Variants in LETMD1 observed in about 807,000 individuals in gnomAD.
The protein encoded by LETMD1 is LETM1 domain-containing protein 1.
In LETMD1, 30 loss-of-function variants were observed where a neutral mutation model predicts 43.9. That is an observed-to-expected ratio of 0.68 (90% CI 0.51 to 0.93). The LOEUF is 0.93. Among genes scored for constraint, LETMD1 ranks in the 40% least tolerant of loss-of-function variants. The probability of loss-of-function intolerance (pLI) is 0.00; values close to 1 mark genes in which losing one functional copy is unlikely to be tolerated. For synonymous variants in LETMD1, 176 were observed against 163.1 expected, an observed-to-expected ratio of 1.08 and a Z score of -0.60; for missense variants, 413 against 447.7, an observed-to-expected ratio of 0.92 and a Z score of 0.70.
At chr12:51,057,930 G>T in intron 7 of LETMD1, 102 bp from the exon 8 acceptor site, 1 of 910,924 alleles carries the variant, frequency 1.1e-6, no homozygotes. Context: ...CGGTGAGATT[G>T]TAACTTATTT....
chr12:51,063,783 G>A, downstream of LETMD1: 1 of 1,586,564 alleles, frequency 6.3e-7, no homozygotes, highest in South Asian at 1.1e-5. Context: ...AGAATCTTCA[G>A]GGGGCCGATC....
chr12:51,049,909 T>C (rs1295948886), intron 2 of LETMD1, among the ~76,000 whole-genome samples: 2 of 152,244 alleles, frequency 1.3e-5, no homozygotes, highest in Non-Finnish European at 2.9e-5. Context: ...TGTTAACTTA[T>C]TTTCATCTAA....
At position 51,049,050 on chromosome 12, in the gene LETMD1, C is replaced by G; in HGVS notation, c.139C>G (p.Leu47Val). ...WGAPRSSKLH[L>V]SPKADVKNLM... Reference sequence around the variant, plus strand: ...TCCTTGTAGGTCTTCAAAGCTTCACCTTTCTCCAAAGGCAGATGTGAAGAA... The same window carrying G: ...TCCTTGTAGGTCTTCAAAGCTTCACGTTTCTCCAAAGGCAGATGTGAAGAA... Residue 47 changes from leucine (L) to valine (V), a missense_variant, in exon 2 of 9, where the codon CTT becomes GTT. Transcript: ENST00000262055. 1 of 1,613,964 alleles carries G rather than the reference C, an allele frequency of 6.2e-7. No homozygotes were observed. Among genetic ancestry groups the G allele is most frequent in the Non-Finnish European group, 8.5e-7 (1 of 1,179,946 alleles).
chr12:51,055,597 C>T (rs1050907354), intron 4 of LETMD1: 26 of 357,914 alleles, frequency 7.3e-5, no homozygotes, highest in African/African-American at 5.4e-4. Flanking sequence ...CCTAGGAGGT[C>T]GAGGCTGCAG....
chr12:51,050,935 C>T (rs1296959343), intron 2 of LETMD1, among the ~76,000 whole-genome samples: 1 of 151,382 alleles, frequency 6.6e-6, no homozygotes, highest in African/African-American at 2.4e-5. Context: ...ATCTCTTGAA[C>T]CTGGGAGACG....
intron 2 of LETMD1, among the ~76,000 whole-genome samples, chr12:51,049,718 A>T (rs1418664587): frequency 1.3e-5 from 2 of 152,222 alleles, no homozygotes; most frequent in Non-Finnish European, 2.9e-5. Flanking sequence ...TGCCTGATTC[A>T]AATCCCAGTT....
At position 51,056,161 on chromosome 12, in the gene LETMD1, C is replaced by A. The variant is rs1313648597; in HGVS notation, c.678C>A (p.His226Gln). Residue 226 changes from histidine to glutamine, a missense_variant, in exon 6 of 9, where the codon CAC (histidine) becomes CAA (glutamine). By Grantham distance (24) the His-to-Gln change is conservative. Coordinates refer to ENST00000262055, the MANE Select transcript of LETMD1 (RefSeq NM_015416.5). ...DLCTKIQRGT[H>Q]PAIHDILALR... ...CTTCCAAGATACAGCGTGGTACCCACCCAGCAATACATGATATCTTGGCTC... is the reference window on the plus strand; with the variant it reads ...CTTCCAAGATACAGCGTGGTACCCAACCAGCAATACATGATATCTTGGCTC... The A allele has an allele frequency of 6.2e-7, 1 of 1,614,222 alleles. No individual in the cohort carries two copies. The highest frequency in any genetic ancestry group is 8.5e-7 in the Non-Finnish European group (1 of 1,180,026).
intron 2 of LETMD1, among the ~76,000 whole-genome samples, chr12:51,050,534 AT>A (rs1945770351): frequency 6.6e-6 from 1 of 151,872 alleles, no homozygotes; most frequent in African/African-American, 2.4e-5. Context: ...TATTATGGAA[AT>A]TTTTAAACAC....
chr12:51,067,839 T>G, the LETMD1 span: 1 of 1,614,198 alleles, frequency 6.2e-7, no homozygotes, highest in Non-Finnish European at 8.5e-7. The surrounding 1 kb of genome is among the most constrained non-coding windows in gnomAD (Gnocchi z 4.1). Flanking sequence ...CCGTCGCCGT[T>G]TGGTGGGCAG....
chr12:51,048,371 G>A lies in LETMD1; in HGVS notation c.15G>A (p.Arg5=), dbSNP rs1944915315. 2 of 1,614,086 alleles carry A rather than the reference G, an allele frequency of 1.2e-6. No individual in the cohort carries two copies. Among genetic ancestry groups the A allele is most frequent in the Non-Finnish European group, 8.5e-7 (1 of 1,180,006 alleles). Residue 5 remains arginine (R), a synonymous_variant, in exon 1 of 9, where the codon AGG becomes AGA. Coordinates refer to ENST00000262055, the MANE Select transcript of LETMD1 (RefSeq NM_015416.5). MALS[R]VCWARSAVWG... ...TCGCTGTGAAGATGGCGCTCTCCAGGGTGTGCTGGGCTCGGTCGGCTGTGT... is the reference window on the plus strand; with the variant it reads ...TCGCTGTGAAGATGGCGCTCTCCAGAGTGTGCTGGGCTCGGTCGGCTGTGT...
At chr12:51,060,857 A>G (rs1948797945), downstream of LETMD1, among the ~76,000 whole-genome samples, 3 of 149,770 alleles carry the variant, frequency 2.0e-5, no homozygotes, top group Non-Finnish European at 3.0e-5. Flanking sequence ...AGCCGAGATT[A>G]CGACACTGCA....
intron 4 of LETMD1, among the ~76,000 whole-genome samples, chr12:51,055,263 T>C (rs970616981): frequency 4.6e-5 from 7 of 152,140 alleles, no homozygotes; most frequent in Non-Finnish European, 7.4e-5. Context: ...TTATATCTGA[T>C]TGCTGCGTGG....
chr12:51,062,128 A>G (rs936291826), downstream of LETMD1: 1 of 152,198 alleles, frequency 6.6e-6, no homozygotes, highest in African/African-American at 2.4e-5. Context: ...AAATCTTTTC[A>G]GGCTCAGAGT....
intron 2 of LETMD1, among the ~76,000 whole-genome samples, chr12:51,051,143 C>T (rs966536136): frequency 8.6e-5 from 13 of 151,098 alleles, no homozygotes; most frequent in African/African-American, 1.9e-4. Context: ...CGGTGGCTCA[C>T]GCCTGTAATC....
At chr12:51,048,535 A>G in intron 1 of LETMD1, 57 bp downstream of exon 1, 1 of 1,594,796 alleles carries the variant, frequency 6.3e-7, no homozygotes, top group Middle Eastern at 2.1e-4. Context: ...TCAGTGTCTC[A>G]ACCTTGCTTG....
chr12:51,050,008 A>G (rs1053472104), intron 2 of LETMD1, among the ~76,000 whole-genome samples: 1 of 152,222 alleles, frequency 6.6e-6, no homozygotes, highest in African/African-American at 2.4e-5. Context: ...TTTGCACCAA[A>G]TCTATAATAT....
At chr12:51,066,959 A>C in the LETMD1 span, among the ~76,000 whole-genome samples, 1 of 151,738 alleles carries the variant, frequency 6.6e-6, no homozygotes, top group Non-Finnish European at 1.5e-5. Context: ...CCTCTTGAGT[A>C]CCTGGGACTA....
chr12:51,067,800 C>G, the LETMD1 span: 1 of 1,614,228 alleles, frequency 6.2e-7, no homozygotes, highest in Non-Finnish European at 8.5e-7. The surrounding 1 kb of genome is among the most constrained non-coding windows in gnomAD (Gnocchi z 4.1). Context: ...AGCATCAATA[C>G]GGTGGACCCC....
intron 7 of LETMD1, chr12:51,057,783 G>A (rs374332582): frequency 6.9e-5 from 31 of 447,094 alleles, no homozygotes; most frequent in South Asian, 5.3e-4. Context: ...ATGCCACCAC[G>A]CCTGGCTAAT....
Sources: gnomAD v4.1 joint callset for allele counts (sites outside exome capture counted in the v4.1 genomes callset) on GRCh38, gnomAD v4.1.1 for gene constraint, Gnocchi (gnomAD v3.1) non-coding constraint, MANE v1.5 for transcripts, NCBI Gene and HGNC (gene_info 2026-07-23, HGNC 2026-07-21) for gene names.